Variants in PARN observed in about 807,000 individuals in gnomAD.
The protein encoded by PARN is poly(A)-specific ribonuclease.
Under a neutral mutation model 102.8 loss-of-function variants are expected in PARN, and 71 were observed. That is an observed-to-expected ratio of 0.69 (90% confidence interval 0.57 to 0.84). The LOEUF is 0.84. PARN is among the 40% of genes least tolerant of loss of function. The probability of loss-of-function intolerance (pLI) is 0.00; values close to 1 mark genes in which losing one functional copy is unlikely to be tolerated. For synonymous variants in PARN, 261 were observed against 252.9 expected, an observed-to-expected ratio of 1.03 and a Z score of -0.30; for missense variants, 782 against 760.9, an observed-to-expected ratio of 1.03 and a Z score of -0.33.
intron 18 of PARN, among the ~76,000 whole-genome samples, chr16:14,578,896 A>G (rs1265024138): frequency 6.6e-6 from 1 of 152,236 alleles, no homozygotes; most frequent in Non-Finnish European, 1.5e-5. Context: ...ATAAGCCTAC[A>G]CATTTACTGT....
At chr16:14,588,493 T>C (rs1969989726) in intron 13 of PARN, among the ~76,000 whole-genome samples, 1 of 152,222 alleles carries the variant, frequency 6.6e-6, no homozygotes, top group Non-Finnish European at 1.5e-5. Context: ...TAATGCCTTC[T>C]AGTGCCAAGC....
At chr16:14,443,963 C>T (rs1358906868) in intron 23 of PARN, among the ~76,000 whole-genome samples, 5 of 152,140 alleles carry the variant, frequency 3.3e-5, no homozygotes, top group Non-Finnish European at 4.4e-5. Context: ...CGCCACCACC[C>T]GAACCAGACC....
chr16:14,448,444 G>A (rs559958499), intron 22 of PARN, among the ~76,000 whole-genome samples: 1 of 152,028 alleles, frequency 6.6e-6, no homozygotes, highest in Non-Finnish European at 1.5e-5. Flanking sequence ...ACCACGCCCG[G>A]CCTCTGCTAA....
intron 5 of PARN, among the ~76,000 whole-genome samples, chr16:14,625,223 A>G (rs1002973574): frequency 1.3e-5 from 2 of 150,958 alleles, no homozygotes; most frequent in African/African-American, 4.9e-5. Context: ...ACAAAACAAA[A>G]CTGTAAGGCC....
intron 22 of PARN, among the ~76,000 whole-genome samples, chr16:14,480,834 G>A (rs573273050): frequency 8.5e-5 from 13 of 152,108 alleles, no homozygotes; most frequent in South Asian, 6.2e-4. Context: ...GCAGCTTCTC[G>A]GGAAGCGGAG....
At chr16:14,559,937 C>A (rs781544665) in intron 18 of PARN, among the ~76,000 whole-genome samples, 1 of 152,164 alleles carries the variant, frequency 6.6e-6, no homozygotes, top group Non-Finnish European at 1.5e-5. Context: ...TGAGTGTCTG[C>A]GGAACTGAAC....
intron 22 of PARN, among the ~76,000 whole-genome samples, chr16:14,452,944 T>C (rs1961525871): frequency 1.3e-5 from 2 of 152,192 alleles, no homozygotes; most frequent in Admixed American, 6.5e-5. Flanking sequence ...TTTATATATT[T>C]GGAAGGTACT....
intron 21 of PARN, among the ~76,000 whole-genome samples, chr16:14,523,867 G>A (rs1036376911): frequency 1.3e-5 from 2 of 151,942 alleles, no homozygotes; most frequent in Non-Finnish European, 2.9e-5. Flanking sequence ...ATTGCTGTGT[G>A]AACACCATAG....
At chr16:14,448,321 G>A (rs532548284) in intron 22 of PARN, among the ~76,000 whole-genome samples, 6 of 152,162 alleles carry the variant, frequency 3.9e-5, no homozygotes, top group Non-Finnish European at 7.4e-5. Flanking sequence ...GCTGATTTTT[G>A]TATTTTTAGT....
At chr16:14,557,287 C>T (rs1224535232) in intron 18 of PARN, among the ~76,000 whole-genome samples, 4 of 150,370 alleles carry the variant, frequency 2.7e-5, no homozygotes, top group Admixed American at 6.6e-5. Context: ...GGGCCAGGCG[C>T]GGTGGCTCAC....
intron 21 of PARN, among the ~76,000 whole-genome samples, chr16:14,535,081 G>C (rs905327896): frequency 3.3e-5 from 5 of 152,100 alleles, no homozygotes; most frequent in Non-Finnish European, 5.9e-5. Context: ...TGATCCGCTC[G>C]CCTCGGCCTC....
chr16:14,522,108 C>T (rs1287336519), intron 21 of PARN, among the ~76,000 whole-genome samples: 1 of 152,128 alleles, frequency 6.6e-6, no homozygotes. Context: ...GAAGGTGGCC[C>T]CTGTTACTAA....
At chr16:14,610,603 A>G (rs1971467753) in intron 7 of PARN, 41 bp downstream of exon 7, 2 of 1,292,252 alleles carry the variant, frequency 1.5e-6, no homozygotes, top group African/African-American at 1.5e-5. Flanking sequence ...TCCCCAATAT[A>G]TAGCACACAA....
chr16:14,587,174 C>A (rs1416778365), intron 13 of PARN, among the ~76,000 whole-genome samples: 1 of 152,154 alleles, frequency 6.6e-6, no homozygotes, highest in African/African-American at 2.4e-5. Context: ...CTGTATTTAG[C>A]TAGCCTGATA....
chr16:14,599,824 G>A (rs1004311350), intron 12 of PARN, 80 bp downstream of exon 12: 2 of 825,248 alleles, frequency 2.4e-6, no homozygotes, highest in African/African-American at 3.5e-5. Flanking sequence ...GAGATGAAAT[G>A]ATTAATCTGC....
intron 22 of PARN, among the ~76,000 whole-genome samples, chr16:14,451,560 G>T (rs1961446809): frequency 6.6e-6 from 1 of 152,022 alleles, no homozygotes; most frequent in Non-Finnish European, 1.5e-5. Flanking sequence ...CCATTTACAT[G>T]AAATTCCAGA....
At chr16:14,538,278 G>A (rs1966700929) in intron 21 of PARN, among the ~76,000 whole-genome samples, 1 of 150,742 alleles carries the variant, frequency 6.6e-6, no homozygotes, top group Non-Finnish European at 1.5e-5. Flanking sequence ...GAGTGCAGGG[G>A]CATGATCTTG....
intron 18 of PARN, among the ~76,000 whole-genome samples, chr16:14,569,227 A>T (rs573400150): frequency 7.7e-4 from 111 of 143,896 alleles, no homozygotes; most frequent in African/African-American, 2.4e-3. Context: ...ATACAAATTT[A>T]AAAAAAAAAA....
At chr16:14,497,328 A>C (rs1039830618) in intron 21 of PARN, among the ~76,000 whole-genome samples, 4 of 152,182 alleles carry the variant, frequency 2.6e-5, no homozygotes, top group South Asian at 2.1e-4. Flanking sequence ...TTAATCAACA[A>C]AAGAACGTTT....
Sources: allele counts gnomAD v4.1 joint callset (sites outside exome capture counted in the v4.1 genomes callset), GRCh38; gene constraint gnomAD v4.1.1; transcripts MANE v1.5; gene names NCBI Gene and HGNC (gene_info 2026-07-23, HGNC 2026-07-21).